CSMD1: variants seen among roughly 807,000 people sequenced by gnomAD.
The protein encoded by CSMD1 is CUB and Sushi multiple domains 1.
A neutral mutation model predicts 417.5 loss-of-function variants in CSMD1; 213 were observed. That is an observed-to-expected ratio of 0.51 (90% CI 0.46 to 0.57). CSMD1 has a LOEUF of 0.57. Ranked by LOEUF, CSMD1 falls within the 20% of genes least tolerant of loss-of-function variation. CSMD1 has a pLI of 0.00. For synonymous variants in CSMD1, 2,862 were observed against 1,736.8 expected, an observed-to-expected ratio of 1.65 and a Z score of -16.11; for missense variants, 6,923 against 4,529.7, an observed-to-expected ratio of 1.53 and a Z score of -15.17.
At chr8:3,484,343 C>T (rs922428753) in intron 11 of CSMD1, among the ~76,000 whole-genome samples, 2 of 152,160 alleles carry the variant, frequency 1.3e-5, no homozygotes, top group African/African-American at 4.8e-5. Context: ...AAGGCGAGTC[C>T]TTTCAACAAA....
At chr8:4,859,979 T>C (rs1419068791) in intron 1 of CSMD1, among the ~76,000 whole-genome samples, 1 of 152,126 alleles carries the variant, frequency 6.6e-6, no homozygotes, top group African/African-American at 2.4e-5. Flanking sequence ...ATTGCCGCGT[T>C]ATTCACGATA....
chr8:2,967,489 G>A (rs982002947), intron 57 of CSMD1, among the ~76,000 whole-genome samples: 5 of 152,082 alleles, frequency 3.3e-5, no homozygotes, highest in Non-Finnish European at 7.4e-5. Context: ...AGCAAGCTCG[G>A]CTGCCGCTGG....
chr8:3,532,073 G>A (rs35371844), intron 10 of CSMD1, among the ~76,000 whole-genome samples: 25,107 of 152,138 alleles, frequency 0.17, 2,409 homozygotes, highest in East Asian at 0.45. Flanking sequence ...TGATTAGCTC[G>A]TCTATGAAAG....
chr8:4,207,346 C>A (rs916401876), intron 3 of CSMD1, among the ~76,000 whole-genome samples: 1 of 152,070 alleles, frequency 6.6e-6, no homozygotes, highest in Admixed American at 6.6e-5. Flanking sequence ...ATCTGACTAG[C>A]AACAAATTAG....
intron 1 of CSMD1, among the ~76,000 whole-genome samples, chr8:4,928,459 G>A (rs1321344387): frequency 4.6e-5 from 7 of 152,264 alleles, no homozygotes; most frequent in Middle Eastern, 3.4e-3. Context: ...GTGCACCATA[G>A]GGGCTCAGAG....
rs142364330 is a variant in CSMD1 at position 4,971,170 on chromosome 8, T to C, written c.85+23162A>G. 6.2e-4 allele frequency among the ~76,000 whole-genome samples: 94 copies of C among 152,180 alleles called. 2 individuals carry two copies. The East Asian group carries it at 8.3e-3, about 13-fold the overall frequency. ...TTCCAACTCTCATAATCTATAGTTTTTGAACTCAAAAACAAAGCATATGCT... is the reference window on the plus strand; with the variant it reads ...TTCCAACTCTCATAATCTATAGTTTCTGAACTCAAAAACAAAGCATATGCT... On this transcript the variant is annotated intron_variant, in intron 1 of 69. Transcript: ENST00000635120.
At chr8:4,212,446 G>A (rs1396166240) in intron 3 of CSMD1, among the ~76,000 whole-genome samples, 3 of 152,012 alleles carry the variant, frequency 2.0e-5, no homozygotes, top group African/African-American at 7.2e-5. Flanking sequence ...AGAAAATCAT[G>A]AAAAATGTAC....
At chr8:4,951,488 A>C (rs1466324789) in intron 1 of CSMD1, among the ~76,000 whole-genome samples, 1 of 135,690 alleles carries the variant, frequency 7.4e-6, no homozygotes, top group Non-Finnish European at 1.7e-5. Flanking sequence ...AAAAGGAAAC[A>C]GAACAGGGAA....
At chr8:3,169,905 G>C (rs543990869) in intron 37 of CSMD1, among the ~76,000 whole-genome samples, 1 of 152,270 alleles carries the variant, frequency 6.6e-6, no homozygotes, top group South Asian at 2.1e-4. Flanking sequence ...TGGCTCTCTA[G>C]TCCTCTGTGG....
At chr8:4,174,858 T>A (rs768267969) in intron 3 of CSMD1, among the ~76,000 whole-genome samples, 4 of 148,052 alleles carry the variant, frequency 2.7e-5, no homozygotes, top group African/African-American at 1.0e-4. Context: ...AAATTTCAGA[T>A]AAAATATTGA....
At chr8:3,471,029 A>G (rs1008474039) in intron 11 of CSMD1, among the ~76,000 whole-genome samples, 2 of 152,192 alleles carry the variant, frequency 1.3e-5, no homozygotes, top group Non-Finnish European at 2.9e-5. Context: ...TTTACCTGAG[A>G]TAAAAGCGCA....
intron 1 of CSMD1, among the ~76,000 whole-genome samples, chr8:4,671,304 C>A (rs928981553): frequency 2.0e-5 from 3 of 152,168 alleles, no homozygotes; most frequent in African/African-American, 7.2e-5. Flanking sequence ...GAAACGCTAA[C>A]ATGGCAATTC....
At chr8:4,354,818 C>A (rs1483540967) in intron 3 of CSMD1, among the ~76,000 whole-genome samples, 1 of 149,108 alleles carries the variant, frequency 6.7e-6, no homozygotes, top group Non-Finnish European at 1.5e-5. Flanking sequence ...TAGTATTATA[C>A]CTGGTTTCTG....
chr8:4,771,831 C>T (rs535762944), intron 1 of CSMD1, among the ~76,000 whole-genome samples: 31 of 152,084 alleles, frequency 2.0e-4, no homozygotes, highest in African/African-American at 7.2e-4. Context: ...TCAACGATAC[C>T]TTTTCTGTTG....
rs371127781 is a variant in CSMD1 at position 4,421,860 on chromosome 8, CAAAT to C, written c.303-1799_303-1796del. 2.0e-3 allele frequency among the ~76,000 whole-genome samples: 303 copies of C among 151,676 alleles called. 1 individual carries two copies. The highest frequency in any genetic ancestry group is 0.014 in the Middle Eastern group (4 of 290). On this transcript the variant is annotated intron_variant, in intron 2 of 69. Transcript: ENST00000635120. Reference sequence around the variant, plus strand: ...TCAATAAAATTGAAAGAAAAAAGAACAAATAATGAAAGAGCCAGTTCTTTGGGAA... The same window carrying C: ...TCAATAAAATTGAAAGAAAAAAGAACAATGAAAGAGCCAGTTCTTTGGGAA...
chr8:3,232,468 C>G (rs762126501), intron 26 of CSMD1, among the ~76,000 whole-genome samples: 10 of 152,080 alleles, frequency 6.6e-5, no homozygotes, highest in Non-Finnish European at 1.5e-4. Flanking sequence ...AGGAATGCAC[C>G]ATGATTTTTC....
intron 3 of CSMD1, among the ~76,000 whole-genome samples, chr8:4,326,194 C>G (rs35460033): frequency 0.12 from 18,388 of 152,038 alleles, 1,405 homozygotes; most frequent in Middle Eastern, 0.19. Context: ...CCTGGGGATG[C>G]CAATGCTGCC....
chr8:3,991,878 A>G (rs1814776940), intron 5 of CSMD1, among the ~76,000 whole-genome samples: 2 of 152,216 alleles, frequency 1.3e-5, no homozygotes, highest in South Asian at 4.1e-4. Flanking sequence ...TCTCATCTAT[A>G]AAATGGGAAT....
chr8:4,053,207 A>T (rs1798523529), intron 3 of CSMD1, among the ~76,000 whole-genome samples: 1 of 152,230 alleles, frequency 6.6e-6, no homozygotes, highest in Admixed American at 6.5e-5. Flanking sequence ...ACACGTTATT[A>T]AAAAGTCACT....
Sources: gnomAD v4.1 joint callset for allele counts (sites outside exome capture counted in the v4.1 genomes callset) on GRCh38, gnomAD v4.1.1 for gene constraint, MANE v1.5 for transcripts, NCBI Gene and HGNC (gene_info 2026-07-23, HGNC 2026-07-21) for gene names.